The following PCSK5 variants were observed in gnomAD, a reference collection of about 807,000 sequenced individuals.
The protein encoded by PCSK5 is prohormone convertase 5.
A neutral mutation model predicts 233.2 loss-of-function variants in PCSK5; 129 were observed. The observed-to-expected ratio is 0.55, with a 90% CI of 0.48 to 0.64. PCSK5 has a LOEUF of 0.64. Ranked by LOEUF, PCSK5 falls within the 30% of genes least tolerant of loss-of-function variation. The probability of loss-of-function intolerance (pLI) is 0.00; values close to 1 mark genes in which losing one functional copy is unlikely to be tolerated. For missense variants in PCSK5, 2,076 were observed against 2,430.1 expected (o/e 0.85, Z 3.06); for synonymous variants, 825 against 879.2 (o/e 0.94, Z 1.09).
chr9:76,227,898 C>G (rs1456668556), intron 21 of PCSK5, among the ~76,000 whole-genome samples: 1 of 151,932 alleles, frequency 6.6e-6, no homozygotes, highest in Non-Finnish European at 1.5e-5. Flanking sequence ...TCTGCATACC[C>G]GTCCCTCAAT....
chr9:76,229,917 G>A (rs1322457535), intron 21 of PCSK5, among the ~76,000 whole-genome samples: 1 of 152,200 alleles, frequency 6.6e-6, no homozygotes, highest in Admixed American at 6.5e-5. Flanking sequence ...GCATGAGTTG[G>A]GGAAAGAAGC....
chr9:76,069,211 T>C (rs59196881), intron 6 of PCSK5, among the ~76,000 whole-genome samples: 1,736 of 152,226 alleles, frequency 0.011, 28 homozygotes, highest in African/African-American at 0.036. Flanking sequence ...AAAAAAATTC[T>C]TCGTTCCCTG....
At chr9:76,184,302 A>G (rs893887910) in intron 16 of PCSK5, among the ~76,000 whole-genome samples, 1 of 151,952 alleles carries the variant, frequency 6.6e-6, no homozygotes, top group Non-Finnish European at 1.5e-5. Context: ...ATCCCTATAC[A>G]GTGATGTTGT....
chr9:76,011,098 G>A (rs1827712701), intron 3 of PCSK5, among the ~76,000 whole-genome samples: 1 of 152,160 alleles, frequency 6.6e-6, no homozygotes, highest in Non-Finnish European at 1.5e-5. Context: ...ATTCTTGAAA[G>A]GATTCGACAT....
In PCSK5 at chr9:76,341,785, A is replaced by G. The variant is rs75762414; in HGVS notation, c.4966+3338A>G. 9.8e-3 allele frequency among the ~76,000 whole-genome samples: 1,492 copies of G among 152,338 alleles called. 24 individuals carry two copies. Among genetic ancestry groups the G allele is most frequent in the African/African-American group, 0.032 (1,333 of 41,572 alleles). On this transcript the variant is annotated intron_variant, in intron 35 of 37. Transcript: ENST00000674117. ...AACTCAGTCCAGAACAAGATGTTCC[A>G]GTATTCCTGGAAGTGATATTGATGA...
intron 10 of PCSK5, among the ~76,000 whole-genome samples, chr9:76,138,354 A>G (rs1474672218): frequency 7.9e-5 from 12 of 152,114 alleles, no homozygotes; most frequent in Admixed American, 7.9e-4. Flanking sequence ...TATAGAGAAT[A>G]TCTTCTGTGG....
chr9:76,191,208 A>AAAAC (rs61227673), intron 20 of PCSK5, among the ~76,000 whole-genome samples: 48,400 of 151,888 alleles, frequency 0.32, 8,166 homozygotes, highest in East Asian at 0.64. Context: ...ATAAAAATAG[A>AAAAC]AAACAAACAA....
chr9:75,955,504 A>G (rs1434830350), intron 2 of PCSK5, among the ~76,000 whole-genome samples: 1 of 152,184 alleles, frequency 6.6e-6, no homozygotes, highest in Non-Finnish European at 1.5e-5. Flanking sequence ...TTCAATTGTA[A>G]CATACTTAAT....
chr9:76,219,937 GTAC>G (rs1489191773), intron 20 of PCSK5, among the ~76,000 whole-genome samples: 4 of 152,192 alleles, frequency 2.6e-5, no homozygotes, highest in Non-Finnish European at 4.4e-5. Context: ...ATCAGACACT[GTAC>G]TGTTCTCACC....
intron 24 of PCSK5, among the ~76,000 whole-genome samples, chr9:76,261,639 TATGGAATGTTCTTCC>T (rs1324075430): frequency 1.3e-5 from 2 of 152,174 alleles, no homozygotes; most frequent in African/African-American, 4.8e-5. Flanking sequence ...TACCCATGAG[TATGGAATGTTCTTCC>T]ATTTGTTTGT....
At chr9:76,045,227 A>C (rs1829323463) in intron 5 of PCSK5, among the ~76,000 whole-genome samples, 1 of 152,216 alleles carries the variant, frequency 6.6e-6, no homozygotes, top group Admixed American at 6.5e-5. Context: ...AGTTGCAACA[A>C]TAAAGCAGCA....
chr9:76,090,655 G>A (rs993409577), intron 7 of PCSK5, among the ~76,000 whole-genome samples: 6 of 152,292 alleles, frequency 3.9e-5, no homozygotes, highest in African/African-American at 1.4e-4. Flanking sequence ...CACAGACTGG[G>A]TGGCTTAAAC....
At chr9:76,224,948 C>A (rs1486746355) in intron 20 of PCSK5, among the ~76,000 whole-genome samples, 2 of 152,180 alleles carry the variant, frequency 1.3e-5, no homozygotes, top group African/African-American at 2.4e-5. Context: ...TTCTAAGTAG[C>A]ATTTGATTTA....
intron 7 of PCSK5, among the ~76,000 whole-genome samples, chr9:76,074,533 A>T (rs1018896302): frequency 6.6e-6 from 1 of 152,208 alleles, no homozygotes; most frequent in Non-Finnish European, 1.5e-5. Flanking sequence ...TAGTGTTTTC[A>T]TGTGATGAGG....
rs531224181 is a variant in PCSK5, at chr9:76,268,399, G to A, written c.3143-23834G>A. 3.3e-5 allele frequency among the ~76,000 whole-genome samples: 5 copies of A among 152,288 alleles called. No individual in the cohort carries two copies. In the South Asian group the frequency reaches 8.3e-4, roughly 25 times the overall value. On this transcript the variant is annotated intron_variant, in intron 24 of 37. Coordinates refer to ENST00000674117, the MANE Select transcript of PCSK5 (RefSeq NM_001372043.1). ...GTTTTTTTAAAGCCCACAGTGATAA[G>A]AGTTGTTGCTTTGTTTGTTGACTGG...
chr9:76,018,702 C>T (rs950064939), intron 3 of PCSK5, among the ~76,000 whole-genome samples: 1 of 152,302 alleles, frequency 6.6e-6, no homozygotes, highest in African/African-American at 2.4e-5. Flanking sequence ...AGGAAGTGAA[C>T]TTCCTGTTGC....
intron 20 of PCSK5, among the ~76,000 whole-genome samples, chr9:76,189,958 C>G (rs1300618440): frequency 6.6e-6 from 1 of 152,106 alleles, no homozygotes; most frequent in Non-Finnish European, 1.5e-5. Flanking sequence ...TGGCACTGGC[C>G]AATATGGCTC....
chr9:76,088,077 G>A (rs908536394), intron 7 of PCSK5, among the ~76,000 whole-genome samples: 1 of 152,178 alleles, frequency 6.6e-6, no homozygotes, highest in Non-Finnish European at 1.5e-5. Flanking sequence ...AGTGTTGTCT[G>A]GAAGCCAGTC....
intron 29 of PCSK5, among the ~76,000 whole-genome samples, chr9:76,310,051 C>T (rs977908573): frequency 1.3e-5 from 2 of 151,938 alleles, no homozygotes. Context: ...AGTCTGAGTC[C>T]CACCTGTCCA....
Sources: gnomAD v4.1 joint callset for allele counts (sites outside exome capture counted in the v4.1 genomes callset) on GRCh38, gnomAD v4.1.1 for gene constraint, MANE v1.5 for transcripts, NCBI Gene and HGNC (gene_info 2026-07-23, HGNC 2026-07-21) for gene names.